C6orf132: variants seen among roughly 807,000 people sequenced by gnomAD.
C6orf132 encodes uncharacterized protein C6orf132.
A neutral mutation model predicts 65.3 loss-of-function variants in C6orf132; 43 were observed. That is an observed-to-expected ratio of 0.66 (90% CI 0.52 to 0.85). C6orf132 has a LOEUF of 0.85. Among genes scored for constraint, C6orf132 ranks in the 40% least tolerant of loss-of-function variants. The probability of loss-of-function intolerance (pLI) is 0.00; values close to 1 mark genes in which losing one functional copy is unlikely to be tolerated. For synonymous variants in C6orf132, 631 were observed against 654.1 expected (o/e 0.96, Z 0.54); for missense variants, 1,488 against 1,548.8 (o/e 0.96, Z 0.66).
chr6:42,133,486 G>A (rs943445921), intron 1 of C6orf132, among the ~76,000 whole-genome samples: 1 of 152,174 alleles, frequency 6.6e-6, no homozygotes. Flanking sequence ...AAAAGGAAGG[G>A]AGATGCCCCT....
At chr6:42,129,707 C>T (rs1360758755) in intron 1 of C6orf132, among the ~76,000 whole-genome samples, 1 of 152,222 alleles carries the variant, frequency 6.6e-6, no homozygotes. Flanking sequence ...GAAATTCACA[C>T]TCCCTTGGCA....
chr6:42,139,030 GTT>G (rs1766994684), intron 1 of C6orf132, among the ~76,000 whole-genome samples: 1 of 152,152 alleles, frequency 6.6e-6, no homozygotes, highest in African/African-American at 2.4e-5. Context: ...TCACATGACT[GTT>G]TGCATTTACC....
intron 1 of C6orf132, among the ~76,000 whole-genome samples, chr6:42,141,189 C>T (rs1198637909): frequency 6.6e-6 from 1 of 152,200 alleles, no homozygotes; most frequent in Non-Finnish European, 1.5e-5. Flanking sequence ...ATCCATGGTG[C>T]CTTGTGTCCT....
At position 42,106,539 on chromosome 6, in the gene C6orf132, G is replaced by A; in HGVS notation, c.1373C>T (p.Pro458Leu). The change falls in exon 4 of 5, where the codon CCT (proline) becomes CTT (leucine). Residue 458 changes from proline to leucine, a missense_variant. Pro to Leu is a moderately conservative substitution (Grantham distance 98, BLOSUM62 -3). Coordinates refer to ENST00000341865, the MANE Select transcript of C6orf132 (RefSeq NM_001164446.3). ...PSPENTASSA[P>L]VDWRDPSQME... is the part of the protein sequence containing the mutation. The stretch of plus-strand genomic sequence containing the variant: ...CTGGCTGGGGTCCCTCCAGTCCACA[G>A]GTGCTGAAGACGCTGTGTTCTCTGG... 1 of 1,536,522 alleles carries A rather than the reference G, an allele frequency of 6.5e-7. No homozygotes were observed. Among genetic ancestry groups the A allele is most frequent in the Non-Finnish European group, 8.7e-7 (1 of 1,146,870 alleles).
chr6:42,112,280 C>T (rs545929855), intron 2 of C6orf132, among the ~76,000 whole-genome samples: 13 of 152,324 alleles, frequency 8.5e-5, no homozygotes, highest in African/African-American at 2.9e-4. Context: ...TACTACCAAA[C>T]CCAGGTCTGT....
At chr6:42,109,296 G>A (rs1456412978) in intron 3 of C6orf132, among the ~76,000 whole-genome samples, 1 of 152,104 alleles carries the variant, frequency 6.6e-6, no homozygotes, top group Non-Finnish European at 1.5e-5. Context: ...AGCTGGGCAT[G>A]GTGGTGTGCA....
chr6:42,128,188 A>C (rs375715522), intron 2 of C6orf132, among the ~76,000 whole-genome samples: 1 of 151,706 alleles, frequency 6.6e-6, no homozygotes, highest in South Asian at 2.1e-4. Flanking sequence ...GCCTCCCAAA[A>C]TGCTGGGATT....
intron 1 of C6orf132, among the ~76,000 whole-genome samples, chr6:42,131,696 C>G (rs532379853): frequency 6.6e-6 from 1 of 152,194 alleles, no homozygotes; most frequent in Non-Finnish European, 1.5e-5. Context: ...GAACTGTGGC[C>G]GTCTGACCCC....
At chr6:42,142,202 G>T (rs908216205) in intron 1 of C6orf132, 98 bp downstream of exon 1, 2 of 1,355,906 alleles carry the variant, frequency 1.5e-6, no homozygotes, top group Admixed American at 2.3e-5. Flanking sequence ...AGGTTCCAAC[G>T]TGTCCCTCCC....
At chr6:42,117,991 T>C (rs1266515238) in intron 2 of C6orf132, among the ~76,000 whole-genome samples, 2 of 148,760 alleles carry the variant, frequency 1.3e-5, no homozygotes, top group Non-Finnish European at 3.0e-5. Context: ...GTTATGGCTC[T>C]AGCTCTGCTA....
chr6:42,142,230 A>ACAGCACCGCCGGCCCTGCCC, intron 1 of C6orf132, 70 bp downstream of exon 1: 1 of 1,489,116 alleles, frequency 6.7e-7, no homozygotes, highest in Admixed American at 2.1e-5. Flanking sequence ...CCTCCAGGAG[A>ACAGCACCGCCGGCCCTGCCC]CAGCACCGCC....
chr6:42,110,961 T>C (rs932104688), intron 2 of C6orf132, among the ~76,000 whole-genome samples: 1 of 152,196 alleles, frequency 6.6e-6, no homozygotes. Context: ...ATTGACTGTA[T>C]ATGAATTCCA....
intron 2 of C6orf132, among the ~76,000 whole-genome samples, chr6:42,115,448 C>T (rs1247564067): frequency 6.6e-6 from 1 of 151,418 alleles, no homozygotes; most frequent in Admixed American, 6.6e-5. Context: ...AGATTGAGAC[C>T]ATCCTGGCTA....
chr6:42,105,395 C>A lies in C6orf132; in HGVS notation c.2517G>T (p.Met839Ile). Residue 839 changes from methionine to isoleucine, a missense_variant, in exon 4 of 5, where the codon ATG becomes ATT. Coordinates refer to ENST00000341865, the MANE Select transcript of C6orf132 (RefSeq NM_001164446.3). ...TGEVVERGSP[M>I]ALLLAARQRA... Reference sequence around the variant, plus strand: ...TCTGCCTGGCCGCCAGGAGCAGGGCCATCGGCGAGCCCCGCTCCACCACCT... The same window carrying A: ...TCTGCCTGGCCGCCAGGAGCAGGGCAATCGGCGAGCCCCGCTCCACCACCT... The A allele has an allele frequency of 6.5e-7, 1 of 1,535,852 alleles. No individual in the cohort carries two copies. The highest frequency in any genetic ancestry group is 1.2e-5 in the South Asian group (1 of 84,044).
At chr6:42,113,983 C>T (rs917321167) in intron 2 of C6orf132, among the ~76,000 whole-genome samples, 2 of 152,104 alleles carry the variant, frequency 1.3e-5, no homozygotes, top group Admixed American at 6.5e-5. Flanking sequence ...GTGAAAAAAT[C>T]GTGAACAATC....
rs2127472047 is a variant in C6orf132 at position 42,101,942 on chromosome 6, C to G, written c.*1819G>C. ...AAAGGGAACTACTTTCTGGCTGGCC[C>G]CCACCAGCCTGCTCCTCTGAAATGG... On this transcript the variant is annotated 3_prime_UTR_variant, in exon 5 of 5. Coordinates refer to ENST00000341865, the MANE Select transcript of C6orf132 (RefSeq NM_001164446.3). 6.6e-6 allele frequency: 1 copy of G among 152,222 alleles called. No homozygotes were observed. Among genetic ancestry groups the G allele is most frequent in the East Asian group, 1.9e-4 (1 of 5,192 alleles). The allele number at this position is 152,222 out of a possible 1,614,324, so 9.4% of individuals were successfully genotyped here. A position where few individuals can be genotyped will look rare whatever the true frequency, so the allele number is the denominator to read the frequency against.
At chr6:42,117,659 C>T (rs958047913) in intron 2 of C6orf132, among the ~76,000 whole-genome samples, 5 of 152,072 alleles carry the variant, frequency 3.3e-5, no homozygotes, top group Non-Finnish European at 5.9e-5. Flanking sequence ...TGGTGGCTCA[C>T]GCCTGTAATC....
In C6orf132 at chr6:42,104,935, T is replaced by G. The variant is rs1434764221; in HGVS notation, c.2977A>C (p.Ser993Arg). The G allele has an allele frequency of 1.7e-5, 25 of 1,476,498 alleles. No homozygotes were observed. The Admixed American group carries it at 6.0e-4, about 36-fold the overall frequency. 91.5% of individuals were successfully genotyped at this position (1,476,498 alleles called of 1,614,324 possible). A position where few individuals can be genotyped will look rare whatever the true frequency, so the allele number is the denominator to read the frequency against. Residue 993 changes from serine to arginine, a missense_variant, in exon 4 of 5, where the codon AGC (serine) becomes CGC (arginine). Ser to Arg is a moderately radical substitution (Grantham distance 110, BLOSUM62 -1). Transcript: ENST00000341865. This position sits in a 1 kb window ranked among gnomAD's most constrained non-coding sequence, Gnocchi z 4.1. ...FEVIPPPPEF[S>R]NDPEPPAPAL... ...GGGGCCGGGGGCTCAGGGTCATTGC[T>G]GAACTCTGGCGGCGGTGGGATGACC...
Position 42,105,631 on chromosome 6 carries a change from CAGG to C in C6orf132, c.2278_2280del (p.Pro760del), listed in dbSNP as rs1766388634. ...TAGAGACATGGCACCTCTCCTCCAC[CAGG>C]AGATGTCTTTGGTGGGAAGGCTGCA... On this transcript the variant is annotated inframe_deletion, in exon 4 of 5. Coordinates refer to ENST00000341865, the MANE Select transcript of C6orf132 (RefSeq NM_001164446.3). 6.5e-7 allele frequency: 1 copy of C among 1,537,040 alleles called. No homozygotes were observed.
Sources: allele counts gnomAD v4.1 joint callset (sites outside exome capture counted in the v4.1 genomes callset), GRCh38; gene constraint gnomAD v4.1.1; non-coding constraint Gnocchi (gnomAD v3.1); transcripts MANE v1.5; gene names NCBI Gene and HGNC (gene_info 2026-07-23, HGNC 2026-07-21).